DNAH8: variants seen among roughly 807,000 people sequenced by gnomAD.
The protein encoded by DNAH8 is axonemal beta dynein heavy chain 8.
In DNAH8, 382 loss-of-function variants were observed where a neutral mutation model predicts 562.1. The ratio of observed to expected loss-of-function variants is 0.68; its 90% CI spans 0.63 to 0.74. The LOEUF (loss-of-function observed/expected upper bound fraction) is 0.74. DNAH8 is among the 30% of genes least tolerant of loss of function. The pLI, the probability that DNAH8 is intolerant of heterozygous loss-of-function variation, is 0.00. For missense variants in DNAH8, 5,203 were observed against 5,620.4 expected, an observed-to-expected ratio of 0.93 and a Z score of 2.37; for synonymous variants, 1,881 against 1,919.4, an observed-to-expected ratio of 0.98 and a Z score of 0.52.
rs140891086 is a variant in DNAH8 at position 38,830,849 on chromosome 6, A to T, written c.4189-1473A>T. On this transcript the variant is annotated intron_variant, in intron 30 of 92. Transcript: ENST00000327475. ...TGTGACTATAGCTCCACTACCAGTC[A>T]ACTGGATGATTTTATGCAAGTTAAT... Among the ~76,000 whole-genome samples the T allele has an allele frequency of 2.8e-3, 431 of 152,268 alleles. 3 individuals carry two copies. The highest frequency in any genetic ancestry group is 9.8e-3 in the African/African-American group (408 of 41,558).
intron 27 of DNAH8, among the ~76,000 whole-genome samples, chr6:38,823,306 C>T (rs1773037788): frequency 6.6e-6 from 1 of 152,136 alleles, no homozygotes; most frequent in African/African-American, 2.4e-5. Flanking sequence ...GCTAGGTATT[C>T]AAGGGTGCGT....
At chr6:38,720,897 T>C (rs1007322496) in intron 1 of DNAH8, among the ~76,000 whole-genome samples, 1 of 151,252 alleles carries the variant, frequency 6.6e-6, no homozygotes, top group Non-Finnish European at 1.5e-5. Context: ...GAGATTGAGA[T>C]TAAAAAACCC....
chr6:39,029,985 C>A (rs1160547234), intron 92 of DNAH8, 120 bp from the exon 93 acceptor site: 1 of 765,104 alleles, frequency 1.3e-6, no homozygotes, highest in Non-Finnish European at 2.1e-6. Flanking sequence ...GTGCTTTCTC[C>A]CTTTGGTAGT....
intron 91 of DNAH8, among the ~76,000 whole-genome samples, chr6:39,025,164 G>A (rs1561988126): frequency 1.3e-5 from 2 of 152,230 alleles, no homozygotes; most frequent in Non-Finnish European, 2.9e-5. Flanking sequence ...GTGTGTGTGT[G>A]TGCTGTTCCT....
At chr6:38,802,323 A>G (rs1198783533) in intron 21 of DNAH8, among the ~76,000 whole-genome samples, 1 of 151,340 alleles carries the variant, frequency 6.6e-6, no homozygotes, top group Non-Finnish European at 1.5e-5. Context: ...TGGCTCCTGC[A>G]GCCTTGAACT....
At chr6:38,928,444 C>A (rs1782281111) in intron 74 of DNAH8, among the ~76,000 whole-genome samples, 1 of 152,084 alleles carries the variant, frequency 6.6e-6, no homozygotes, top group Non-Finnish European at 1.5e-5. Flanking sequence ...TGTTTAGATT[C>A]TTTTTCCTTA....
rs1012706272 is a variant in DNAH8, at chr6:39,030,159, A to G, written c.13891A>G (p.Asn4631Asp). 2 of 1,613,960 alleles carry G rather than the reference A, an allele frequency of 1.2e-6. No individual in the cohort carries two copies. The highest frequency in any genetic ancestry group is 1.7e-6 in the Non-Finnish European group (2 of 1,180,014). Residue 4631 changes from asparagine to aspartate, a missense_variant, in exon 93 of 93, where the codon AAT becomes GAT. Physicochemically the swap from Asn to Asp is conservative, Grantham distance 23. Around this residue, in one of 6 missense-constraint regions of DNAH8, gnomAD observed 1,399 missense variants for 1,518.4 expected, o/e 0.92. Transcript: ENST00000327475. ...YMDGAAWDRR[N>D]GKLMESTPKV... The stretch of plus-strand genomic sequence containing the variant: ...GGATGGAGCAGCCTGGGACAGACGG[A>G]ATGGGAAGCTCATGGAATCCACCCC...
intron 57 of DNAH8, among the ~76,000 whole-genome samples, chr6:38,889,655 G>T (rs904025481): frequency 6.6e-6 from 1 of 152,172 alleles, no homozygotes; most frequent in South Asian, 2.1e-4. Context: ...TGGCAGATGG[G>T]TGTTGCTAAT....
intron 26 of DNAH8, among the ~76,000 whole-genome samples, chr6:38,817,869 G>A (rs1335036946): frequency 6.6e-6 from 1 of 152,104 alleles, no homozygotes; most frequent in Non-Finnish European, 1.5e-5. Flanking sequence ...TCATGATCTT[G>A]AAAGACACAA....
intron 88 of DNAH8, among the ~76,000 whole-genome samples, chr6:38,991,294 T>C (rs1764766799): frequency 6.6e-6 from 1 of 152,160 alleles, no homozygotes; most frequent in African/African-American, 2.4e-5. Context: ...TACCTACAAA[T>C]GCCAATGCTT....
rs1563012519 is a variant in DNAH8, at chr6:38,857,440, A to G, written c.5734-78A>G. The G allele has an allele frequency of 4.4e-6, 4 of 910,130 alleles. No individual in the cohort carries two copies. The South Asian group carries it at 4.9e-5, about 11-fold the overall frequency. The allele number at this position is 910,130 out of a possible 1,614,324, so 56.4% of individuals were successfully genotyped here. A position where few individuals can be genotyped will look rare whatever the true frequency, so the allele number is the denominator to read the frequency against. ...ATCTCATTTTTAGTTTAAAATGTGAATAAGTGACCACCAAATTTTATTGCA... is the reference window on the plus strand; with the variant it reads ...ATCTCATTTTTAGTTTAAAATGTGAGTAAGTGACCACCAAATTTTATTGCA... On this transcript the variant is annotated intron_variant, in intron 41 of 92. Transcript: ENST00000327475.
intron 24 of DNAH8, among the ~76,000 whole-genome samples, chr6:38,813,517 C>G (rs1771983480): frequency 6.6e-6 from 1 of 152,004 alleles, no homozygotes; most frequent in Non-Finnish European, 1.5e-5. Flanking sequence ...ATAATTTTGC[C>G]TGGGATAGGG....
At chr6:39,010,122 T>G (rs947008040) in intron 89 of DNAH8, among the ~76,000 whole-genome samples, 2 of 136,248 alleles carry the variant, frequency 1.5e-5, no homozygotes, top group African/African-American at 2.9e-5. Flanking sequence ...CAACAAGACC[T>G]TTGTTCTGGT....
rs768044591 is a variant in DNAH8, at chr6:38,989,983, T to A, written c.13054-29T>A. 4 of 1,422,710 alleles carry A rather than the reference T, an allele frequency of 2.8e-6. No individual in the cohort carries two copies. The South Asian group carries it at 3.9e-5, about 14-fold the overall frequency. 88.1% of individuals were successfully genotyped at this position (1,422,710 alleles called of 1,614,324 possible). A position where few individuals can be genotyped will look rare whatever the true frequency, so the allele number is the denominator to read the frequency against. On this transcript the variant is annotated intron_variant, in intron 87 of 92. Coordinates refer to ENST00000327475, the MANE Select transcript of DNAH8 (RefSeq NM_001206927.2). The stretch of plus-strand genomic sequence containing the variant: ...GTTTTCATTTAGATGCTCATCAATT[T>A]TATTTCTTTTGTTTTCTCTCACATA...
chr6:38,907,399 G>T (rs568638501), intron 63 of DNAH8, among the ~76,000 whole-genome samples: 3 of 152,302 alleles, frequency 2.0e-5, no homozygotes, highest in African/African-American at 7.2e-5. Flanking sequence ...AAGGAAAGCA[G>T]ATAGATGTTT....
intron 88 of DNAH8, among the ~76,000 whole-genome samples, chr6:38,991,522 C>T (rs1435979874): frequency 6.6e-6 from 1 of 152,154 alleles, no homozygotes; most frequent in African/African-American, 2.4e-5. Flanking sequence ...GTGAGTCAGA[C>T]CACATCAACC....
At position 39,030,240 on chromosome 6, in the gene DNAH8, G is replaced by A; in HGVS notation, c.13972G>A (p.Ala4658Thr). ...CCACATCTTTGCCATTAACTCCACG[G>A]CACCCAAGGACCCCAAGCTGTATGT... is the stretch of plus-strand genomic sequence containing the variant. ...VLHIFAINSTAPKDPKLYVCP... is the reference protein window; with the variant it reads ...VLHIFAINSTTPKDPKLYVCP... Residue 4658 changes from alanine (A) to threonine (T), a missense_variant, in exon 93 of 93, where the codon GCA becomes ACA. Coordinates refer to ENST00000327475, the MANE Select transcript of DNAH8 (RefSeq NM_001206927.2). 2 of 1,614,096 alleles carry A rather than the reference G, an allele frequency of 1.2e-6. No homozygotes were observed. The highest frequency in any genetic ancestry group is 8.5e-7 in the Non-Finnish European group (1 of 1,180,024).
chr6:38,849,409 T>C (rs550069027), intron 37 of DNAH8, among the ~76,000 whole-genome samples: 25 of 152,240 alleles, frequency 1.6e-4, no homozygotes, highest in African/African-American at 5.8e-4. Flanking sequence ...ACAGCTCTAT[T>C]GGGGCCTTTT....
chr6:38,996,120 T>C (rs962823395), intron 88 of DNAH8, among the ~76,000 whole-genome samples: 7 of 151,980 alleles, frequency 4.6e-5, no homozygotes, highest in African/African-American at 1.7e-4. Context: ...GTAACAAAAT[T>C]TGTTGCAAAA....
Sources: allele counts gnomAD v4.1 joint callset (sites outside exome capture counted in the v4.1 genomes callset), GRCh38; gene constraint gnomAD v4.1.1; regional missense constraint gnomAD v4.1.1; transcripts MANE v1.5; gene names NCBI Gene and HGNC (gene_info 2026-07-23, HGNC 2026-07-21).